Variants in FREM1 observed in about 807,000 individuals in gnomAD.
The protein encoded by FREM1 is FRAS1-related extracellular matrix protein 1.
A neutral mutation model predicts 210.1 loss-of-function variants in FREM1; 220 were observed. That is an observed-to-expected ratio of 1.05 (90% confidence interval 0.94 to 1.17). The LOEUF (loss-of-function observed/expected upper bound fraction) is 1.17, where lower values mean the gene tolerates loss of function less well. FREM1 is among the 50% of genes most tolerant of loss of function. The probability of loss-of-function intolerance (pLI) is 0.00; values close to 1 mark genes in which losing one functional copy is unlikely to be tolerated. For synonymous variants in FREM1, 1,189 were observed against 980.2 expected (o/e 1.21, Z -3.98); for missense variants, 3,454 against 2,675.5 (o/e 1.29, Z -6.42).
chr9:14,888,289 C>T (rs1004429184), intron 1 of FREM1, among the ~76,000 whole-genome samples: 6 of 152,188 alleles, frequency 3.9e-5, no homozygotes, highest in Admixed American at 2.6e-4. Context: ...CAATTAGAGC[C>T]TGGTTTTGTC....
chr9:14,904,936 C>G (rs1188895989), intron 1 of FREM1, among the ~76,000 whole-genome samples: 1 of 152,144 alleles, frequency 6.6e-6, no homozygotes, highest in Non-Finnish European at 1.5e-5. Context: ...GAATGCCCTT[C>G]CCCACTGCCA....
Position 14,840,502 on chromosome 9 carries a change from G to A in FREM1, c.1881+945C>T, listed in dbSNP as rs118008719. Among the ~76,000 whole-genome samples the A allele has an allele frequency of 5.6e-4, 86 of 152,282 alleles. 1 individual carries two copies. In the East Asian group the frequency reaches 0.011, roughly 19 times the overall value. On this transcript the variant is annotated intron_variant, in intron 10 of 36. Coordinates refer to ENST00000380880, the MANE Select transcript of FREM1 (RefSeq NM_001379081.2). Reference sequence around the variant, plus strand: ...ATGGCAGCAGGCAGAGAGAGAGCGCGCAAGCTTGTACAGGGGACCACCCGT... The same window carrying A: ...ATGGCAGCAGGCAGAGAGAGAGCGCACAAGCTTGTACAGGGGACCACCCGT...
At chr9:14,862,017 G>A (rs143296658) in intron 3 of FREM1, among the ~76,000 whole-genome samples, 1 of 152,166 alleles carries the variant, frequency 6.6e-6, no homozygotes, top group Non-Finnish European at 1.5e-5. Flanking sequence ...GTTCTTTGAA[G>A]TTATTTGTTT....
intron 28 of FREM1, among the ~76,000 whole-genome samples, chr9:14,759,201 A>G (rs899274494): frequency 1.4e-4 from 21 of 152,222 alleles, no homozygotes; most frequent in African/African-American, 5.1e-4. Flanking sequence ...TTCAAAATTA[A>G]AAATGGATTT....
Position 14,784,357 on chromosome 9 carries a change from C to T in FREM1, c.4442+13G>A, listed in dbSNP as rs1336349901. The stretch of plus-strand genomic sequence containing the variant: ...TCCAAAGAAGGGGTTTGAAAAGTTT[C>T]CATGGGGCTCACCTGAATCTGTCAC... On this transcript the variant is annotated intron_variant, in intron 24 of 36. Transcript: ENST00000380880. 3.1e-6 allele frequency: 5 copies of T among 1,607,770 alleles called. No individual in the cohort carries two copies. The highest frequency in any genetic ancestry group is 1.7e-4 in the Middle Eastern group (1 of 5,960).
intron 28 of FREM1, among the ~76,000 whole-genome samples, chr9:14,756,723 T>C (rs1024877015): frequency 6.6e-6 from 1 of 152,198 alleles, no homozygotes. Flanking sequence ...GAAAGGAACA[T>C]GAATTTTAAA....
At chr9:14,852,666 C>G (rs565185366) in intron 5 of FREM1, among the ~76,000 whole-genome samples, 15 of 152,302 alleles carry the variant, frequency 9.8e-5, no homozygotes, top group African/African-American at 3.6e-4. Context: ...AGTACTTCAG[C>G]CTGGGCAAGA....
chr9:14,799,159 G>A (rs1029004410), intron 20 of FREM1, among the ~76,000 whole-genome samples: 6 of 151,850 alleles, frequency 4.0e-5, no homozygotes, highest in Non-Finnish European at 7.4e-5. Context: ...GATGACTTGT[G>A]CCTGTGGTCC....
At chr9:14,739,491 A>G (rs1269745734) in intron 36 of FREM1, among the ~76,000 whole-genome samples, 7 of 140,640 alleles carry the variant, frequency 5.0e-5, no homozygotes, top group Non-Finnish European at 1.1e-4. Flanking sequence ...ATATATATAT[A>G]TTCATATATA....
chr9:14,863,686 A>T, intron 3 of FREM1, 123 bp downstream of exon 3: 1 of 618,104 alleles, frequency 1.6e-6, no homozygotes, highest in Non-Finnish European at 2.9e-6. Flanking sequence ...GTTTCTGTTG[A>T]TTACTTTCTT....
chr9:14,745,473 T>C (rs1842249819), intron 35 of FREM1, among the ~76,000 whole-genome samples: 1 of 152,216 alleles, frequency 6.6e-6, no homozygotes, highest in Non-Finnish European at 1.5e-5. Flanking sequence ...TGAATCGTCA[T>C]TTTGTCATTG....
At chr9:14,885,599 T>A (rs1458192870) in intron 1 of FREM1, among the ~76,000 whole-genome samples, 1 of 152,094 alleles carries the variant, frequency 6.6e-6, no homozygotes, top group Non-Finnish European at 1.5e-5. Flanking sequence ...TTTTTTAATT[T>A]TCATAGGGAT....
intron 27 of FREM1, among the ~76,000 whole-genome samples, chr9:14,765,312 C>A (rs1019718099): frequency 1.3e-5 from 2 of 152,080 alleles, no homozygotes; most frequent in African/African-American, 4.8e-5. Context: ...ATAGTGTGCA[C>A]CCAAAACAAG....
chr9:14,757,384 G>C (rs568352956), intron 28 of FREM1, among the ~76,000 whole-genome samples: 1 of 152,040 alleles, frequency 6.6e-6, no homozygotes, highest in South Asian at 2.1e-4. Context: ...GTGAAACCCC[G>C]TCTCTACCAA....
chr9:14,738,938 G>T (rs561613842), intron 36 of FREM1, among the ~76,000 whole-genome samples: 1 of 150,372 alleles, frequency 6.7e-6, no homozygotes, highest in Admixed American at 6.6e-5. Context: ...TGAACCCAGG[G>T]GGCGGAAGTT....
At chr9:14,759,654 T>C (rs980793685) in intron 28 of FREM1, 118 bp downstream of exon 28, 2 of 889,854 alleles carry the variant, frequency 2.2e-6, no homozygotes, top group Non-Finnish European at 3.3e-6. Context: ...AATAGTGGGA[T>C]CTCCCTGCAA....
At chr9:14,862,411 A>G (rs1830748669) in intron 3 of FREM1, among the ~76,000 whole-genome samples, 1 of 152,206 alleles carries the variant, frequency 6.6e-6, no homozygotes, top group Admixed American at 6.5e-5. Flanking sequence ...AAAAAACCCT[A>G]TAAAGGCCTA....
At chr9:14,803,704 T>G (rs1817780995) in intron 19 of FREM1, among the ~76,000 whole-genome samples, 1 of 152,002 alleles carries the variant, frequency 6.6e-6, no homozygotes, top group Non-Finnish European at 1.5e-5. Context: ...TCTTACTGAC[T>G]TTGAAGGGCA....
At chr9:14,766,266 C>A (rs1846387221) in intron 27 of FREM1, among the ~76,000 whole-genome samples, 1 of 152,170 alleles carries the variant, frequency 6.6e-6, no homozygotes, top group Non-Finnish European at 1.5e-5. Flanking sequence ...AATCTTTACG[C>A]AAATTTCCAA....
Sources: allele counts gnomAD v4.1 joint callset (sites outside exome capture counted in the v4.1 genomes callset), GRCh38; gene constraint gnomAD v4.1.1; transcripts MANE v1.5; gene names NCBI Gene and HGNC (gene_info 2026-07-23, HGNC 2026-07-21).